PPP1R37: variants seen among roughly 807,000 people sequenced by gnomAD.
The protein encoded by PPP1R37 is protein phosphatase 1 regulatory subunit 37.
A neutral mutation model predicts 61.0 loss-of-function variants in PPP1R37; 21 were observed. That is an observed-to-expected ratio of 0.34 (90% CI 0.24 to 0.50). The LOEUF (loss-of-function observed/expected upper bound fraction) is 0.50, where lower values mean the gene tolerates loss of function less well. PPP1R37 is among the 20% of genes least tolerant of loss of function. PPP1R37 has a pLI of 0.98. For synonymous variants in PPP1R37, 443 were observed against 433.5 expected, an observed-to-expected ratio of 1.02 and a Z score of -0.27; for missense variants, 910 against 952.7, an observed-to-expected ratio of 0.96 and a Z score of 0.59.
intron 1 of PPP1R37, among the ~76,000 whole-genome samples, chr19:45,118,445 G>C (rs551451074): frequency 6.6e-6 from 1 of 152,322 alleles, no homozygotes; most frequent in East Asian, 1.9e-4. Context: ...TGTGTGGTCT[G>C]TGTGGTCACT....
intron 1 of PPP1R37, among the ~76,000 whole-genome samples, chr19:45,096,791 G>T (rs763936986): frequency 3.3e-5 from 5 of 152,150 alleles, no homozygotes; most frequent in Non-Finnish European, 5.9e-5. Context: ...CTCTCGAGGA[G>T]TCCGTGCGTC....
Position 45,144,875 on chromosome 19 carries a change from A to G in PPP1R37, c.1009A>G (p.Thr337Ala), listed in dbSNP as rs1482452632. 1 of 1,534,522 alleles carries G rather than the reference A, an allele frequency of 6.5e-7. No homozygotes were observed. Among genetic ancestry groups the G allele is most frequent in the Non-Finnish European group, 8.7e-7 (1 of 1,146,126 alleles). ...CCAGCCGCACACTCAGAGCCTGGAG[A>G]CGCTGAACCTGGGCCACAACCCCAT... ...MTLPHTQSLE[T>A]LNLGHNPIGN... is the part of the protein sequence containing the mutation. The change falls in exon 9 of 13, where the codon ACG becomes GCG. Residue 337 changes from threonine (T) to alanine (A), a missense_variant. Physicochemically the swap from Thr to Ala is moderately conservative, Grantham distance 58. Around this residue, in one of 3 missense-constraint regions of PPP1R37, gnomAD observed 549 missense variants for 505.1 expected, o/e 1.09. Coordinates refer to ENST00000221462, the MANE Select transcript of PPP1R37 (RefSeq NM_019121.2).
rs564669162 is a variant in PPP1R37, at chr19:45,121,300, T to C, written c.203-17214T>C. Among the ~76,000 whole-genome samples, 1 of 152,346 alleles carries C rather than the reference T, an allele frequency of 6.6e-6. No homozygotes were observed. The highest frequency in any genetic ancestry group is 6.5e-5 in the Admixed American group (1 of 15,306). On this transcript the variant is annotated intron_variant, in intron 1 of 12. Coordinates refer to ENST00000221462, the MANE Select transcript of PPP1R37 (RefSeq NM_019121.2). The surrounding 1 kb of genome is among the most constrained non-coding windows in gnomAD (Gnocchi z 4.2). Reference sequence around the variant, plus strand: ...CAGACCTGCATTTACACTCACACTCTGGGATGAGGGACTTTCCTCCTCAGG... The same window carrying C: ...CAGACCTGCATTTACACTCACACTCCGGGATGAGGGACTTTCCTCCTCAGG...
At chr19:45,118,894 C>T (rs1367799654) in intron 1 of PPP1R37, among the ~76,000 whole-genome samples, 2 of 151,970 alleles carry the variant, frequency 1.3e-5, no homozygotes, top group Admixed American at 1.3e-4. Context: ...TGGTGCCAGA[C>T]CTCCCTCCCG....
At chr19:45,105,996 G>A (rs1968125184) in intron 1 of PPP1R37, among the ~76,000 whole-genome samples, 1 of 152,214 alleles carries the variant, frequency 6.6e-6, no homozygotes, top group Non-Finnish European at 1.5e-5. Context: ...CTGGTCCTGG[G>A]GTGGAGCAGA....
intron 1 of PPP1R37, among the ~76,000 whole-genome samples, chr19:45,114,247 G>C (rs1968236586): frequency 6.6e-6 from 1 of 152,260 alleles, no homozygotes; most frequent in Admixed American, 6.5e-5. Context: ...GGTGAATGAG[G>C]GTGTTCATTG....
chr19:45,138,627 G>T lies in PPP1R37; in HGVS notation c.300+16G>T. The T allele has an allele frequency of 7.1e-7, 1 of 1,417,582 alleles. No homozygotes were observed. The highest frequency in any genetic ancestry group is 1.2e-5 in the South Asian group (1 of 81,634). 87.8% of individuals were successfully genotyped at this position (1,417,582 alleles called of 1,614,324 possible). On this transcript the variant is annotated intron_variant, in intron 2 of 12. Transcript: ENST00000221462. Reference sequence around the variant, plus strand: ...GCAGCTGCAGGTATGGGCGGGACAGGGTGGGTGCGTCCGGTGTGGGTGTCA... The same window carrying T: ...GCAGCTGCAGGTATGGGCGGGACAGTGTGGGTGCGTCCGGTGTGGGTGTCA...
Position 45,119,112 on chromosome 19 carries a change from C to A in PPP1R37, c.203-19402C>A, listed in dbSNP as rs917300882. ...CAAGCGATTCTCCTGCCCCAGCCTC[C>A]CGAGTAGCTGGGATTACAGGCACGT... On this transcript the variant is annotated intron_variant, in intron 1 of 12. Coordinates refer to ENST00000221462, the MANE Select transcript of PPP1R37 (RefSeq NM_019121.2). Among the ~76,000 whole-genome samples the A allele has an allele frequency of 3.3e-5, 5 of 152,094 alleles. No homozygotes were observed. In the East Asian group the frequency reaches 7.7e-4, roughly 23 times the overall value.
intron 1 of PPP1R37, among the ~76,000 whole-genome samples, chr19:45,097,161 G>A (rs1019898907): frequency 6.6e-6 from 1 of 151,926 alleles, no homozygotes; most frequent in Non-Finnish European, 1.5e-5. Context: ...GGGGCTGGAG[G>A]ACTGCAGGGA....
chr19:45,098,471 C>T (rs1043931590), intron 1 of PPP1R37, among the ~76,000 whole-genome samples: 9 of 152,308 alleles, frequency 5.9e-5, no homozygotes, highest in African/African-American at 1.7e-4. Context: ...CCAGTCCTGC[C>T]GGTGACTCAC....
chr19:45,133,173 T>TCC (rs1036415636), intron 1 of PPP1R37, among the ~76,000 whole-genome samples: 4 of 152,012 alleles, frequency 2.6e-5, no homozygotes, highest in Non-Finnish European at 4.4e-5. Context: ...CACCTCCACC[T>TCC]CCCGGGTTCA....
chr19:45,145,045 G>A (rs1373699738), intron 9 of PPP1R37, 49 bp from the exon 10 acceptor site: 7 of 1,520,360 alleles, frequency 4.6e-6, no homozygotes, highest in Admixed American at 2.0e-5. Flanking sequence ...TCAGCCGGGC[G>A]GCCAGCCGGG....
chr19:45,102,185 AT>A (rs1316148346), intron 1 of PPP1R37, among the ~76,000 whole-genome samples: 2 of 152,216 alleles, frequency 1.3e-5, no homozygotes, highest in African/African-American at 4.8e-5. Flanking sequence ...TCTACAGACC[AT>A]CCCAAACCCC....
chr19:45,138,660 C>A lies in PPP1R37; in HGVS notation c.300+49C>A, dbSNP rs773405376. On this transcript the variant is annotated intron_variant, in intron 2 of 12. Transcript: ENST00000221462. ...CGTCCGGTGTGGGTGTCAAGGGGGG[C>A]CCTAGGGTGGAACCAGCCCAGCAGG... The A allele has an allele frequency of 3.6e-6, 5 of 1,393,194 alleles. No homozygotes were observed. The African/African-American group carries it at 5.7e-5, about 16-fold the overall frequency. The allele number at this position is 1,393,194 out of a possible 1,614,324, so 86.3% of individuals were successfully genotyped here. A position where few individuals can be genotyped will look rare whatever the true frequency, so the allele number is the denominator to read the frequency against.
At chr19:45,120,140 C>T (rs922693504) in intron 1 of PPP1R37, among the ~76,000 whole-genome samples, 5 of 151,576 alleles carry the variant, frequency 3.3e-5, no homozygotes, top group Non-Finnish European at 7.4e-5. Context: ...GCCTCAGCCT[C>T]CCAAGTAGCT....
chr19:45,146,600 C>A lies in PPP1R37; in HGVS notation c.*38C>A. The A allele has an allele frequency of 1.4e-6, 1 of 703,750 alleles. No individual in the cohort carries two copies. The highest frequency in any genetic ancestry group is 2.4e-6 in the Non-Finnish European group (1 of 421,106). 43.6% of individuals were successfully genotyped at this position (703,750 alleles called of 1,614,324 possible). ...CTTTTTCCGGTCGGTCTGCGATGAGCTGAGGCCAGAGCCATGAGAATCTGC... is the reference window on the plus strand; with the variant it reads ...CTTTTTCCGGTCGGTCTGCGATGAGATGAGGCCAGAGCCATGAGAATCTGC... On this transcript the variant is annotated 3_prime_UTR_variant, in exon 13 of 13. Transcript: ENST00000221462.
intron 1 of PPP1R37, among the ~76,000 whole-genome samples, chr19:45,109,729 C>T (rs1233354076): frequency 6.6e-6 from 1 of 152,224 alleles, no homozygotes; most frequent in African/African-American, 2.4e-5. Flanking sequence ...TCGTCTCCCA[C>T]AGCCATGGCC....
intron 2 of PPP1R37, 54 bp from the exon 3 acceptor site, chr19:45,140,182 G>T: frequency 6.8e-7 from 1 of 1,476,370 alleles, no homozygotes; most frequent in East Asian, 2.5e-5. Flanking sequence ...TTGGGGCCTC[G>T]GCTGCCCCCC....
intron 1 of PPP1R37, chr19:45,136,126 A>G (rs1404079662): frequency 6.6e-6 from 1 of 152,196 alleles, no homozygotes; most frequent in African/African-American, 2.4e-5. Flanking sequence ...AGGATTGCAA[A>G]GGATGCCAGT....
Sources: allele counts gnomAD v4.1 joint callset (sites outside exome capture counted in the v4.1 genomes callset), GRCh38; gene constraint gnomAD v4.1.1; regional missense constraint gnomAD v4.1.1; non-coding constraint Gnocchi (gnomAD v3.1); transcripts MANE v1.5; gene names NCBI Gene and HGNC (gene_info 2026-07-23, HGNC 2026-07-21).